Variants in USP33 observed in about 807,000 individuals in gnomAD.
The protein encoded by USP33 is ubiquitin specific peptidase 33, also known as ubiquitin carboxyl-terminal hydrolase 33.
A neutral mutation model predicts 124.2 loss-of-function variants in USP33; 46 were observed. The observed-to-expected ratio is 0.37, with a 90% CI of 0.29 to 0.47. USP33 has a LOEUF of 0.47. Ranked by LOEUF, USP33 falls within the 20% of genes least tolerant of loss-of-function variation. The pLI, the probability that USP33 is intolerant of heterozygous loss-of-function variation, is 0.99. For synonymous variants in USP33, 350 were observed against 352.3 expected, an observed-to-expected ratio of 0.99 and a Z score of 0.07; for missense variants, 851 against 1,070.6, an observed-to-expected ratio of 0.79 and a Z score of 2.86.
intron 1 of USP33, among the ~76,000 whole-genome samples, chr1:77,746,096 G>A (rs976384652): frequency 2.6e-5 from 4 of 152,074 alleles, no homozygotes; most frequent in African/African-American, 4.8e-5. Flanking sequence ...TCCAGGAGCT[G>A]GTTTTTTGAA....
chr1:77,749,289 T>A (rs765446564), intron 1 of USP33, among the ~76,000 whole-genome samples: 5 of 152,236 alleles, frequency 3.3e-5, no homozygotes, highest in African/African-American at 4.8e-5. Context: ...GATTTATTTA[T>A]CTTCTCCACT....
chr1:77,712,174 G>C (rs1459002349), intron 20 of USP33, among the ~76,000 whole-genome samples: 1 of 152,208 alleles, frequency 6.6e-6, no homozygotes. Context: ...CACAGTCATA[G>C]TCAAGTTTTC....
At chr1:77,731,787 T>A (rs1677845172) in intron 7 of USP33, among the ~76,000 whole-genome samples, 1 of 152,096 alleles carries the variant, frequency 6.6e-6, no homozygotes, top group Admixed American at 6.6e-5. Context: ...AAAACAAACA[T>A]ACACGTAAAA....
chr1:77,718,648 G>C lies in USP33; in HGVS notation c.1692-7C>G, dbSNP rs371892590. On this transcript the variant is annotated splice_region_variant and splice_polypyrimidine_tract_variant and intron_variant, in intron 15 of 23. Coordinates refer to ENST00000370794, the MANE Select transcript of USP33 (RefSeq NM_201624.3). ...CTTCACTCCATTTCTCAACCTAAGG[G>C]GAGAAAAGAGAAAATCAATTAGTCT... 39 of 1,596,024 alleles carry C rather than the reference G, an allele frequency of 2.4e-5. No homozygotes were observed. Among genetic ancestry groups the C allele is most frequent in the Non-Finnish European group, 3.3e-5 (38 of 1,168,824 alleles).
intron 22 of USP33, among the ~76,000 whole-genome samples, chr1:77,700,257 C>A (rs1673854448): frequency 6.6e-6 from 1 of 152,048 alleles, no homozygotes; most frequent in Non-Finnish European, 1.5e-5. Context: ...GTGGTGTGCA[C>A]CTATAGTCCC....
intron 1 of USP33, among the ~76,000 whole-genome samples, chr1:77,750,719 C>T (rs112377220): frequency 2.0e-5 from 3 of 152,110 alleles, no homozygotes; most frequent in African/African-American, 7.2e-5. Flanking sequence ...TAAACAAAGG[C>T]TAACAATTTG....
intron 12 of USP33, 34 bp downstream of exon 12, chr1:77,723,297 A>G: frequency 6.8e-7 from 1 of 1,461,452 alleles, no homozygotes; most frequent in Non-Finnish European, 9.5e-7. Context: ...ATTTGACACG[A>G]ATTTTCTGTG....
rs190656380 is a variant in USP33 at position 77,700,215 on chromosome 1, A to T, written c.2509+1154T>A. Among the ~76,000 whole-genome samples, 6 of 152,268 alleles carry T rather than the reference A, an allele frequency of 3.9e-5. No individual in the cohort carries two copies. In the East Asian group the frequency reaches 1.2e-3, roughly 29 times the overall value. ...GCTGGAACTTACAAAATAAAAATAA[A>T]TTTTTTTAAAGGTGTAGAAAAGCCA... On this transcript the variant is annotated intron_variant, in intron 22 of 23. Transcript: ENST00000370794.
chr1:77,703,912 C>G lies in USP33; in HGVS notation c.2407-2441G>C, dbSNP rs1243917652. Among the ~76,000 whole-genome samples the G allele has an allele frequency of 2.6e-5, 4 of 152,188 alleles. No individual in the cohort carries two copies. The South Asian group carries it at 6.2e-4, about 24-fold the overall frequency. On this transcript the variant is annotated intron_variant, in intron 21 of 23. Coordinates refer to ENST00000370794, the MANE Select transcript of USP33 (RefSeq NM_201624.3). ...CATCCCTATAGTCCCAGCTATTCAT[C>G]AGGAGGCTGATGTGGGGGATCTCTT... is the stretch of plus-strand genomic sequence containing the variant.
chr1:77,711,732 G>T lies in USP33; in HGVS notation c.2406+15C>A. 1.3e-6 allele frequency: 2 copies of T among 1,597,858 alleles called. No individual in the cohort carries two copies. The highest frequency in any genetic ancestry group is 8.5e-7 in the Non-Finnish European group (1 of 1,176,296). On this transcript the variant is annotated intron_variant, in intron 21 of 23. Coordinates refer to ENST00000370794, the MANE Select transcript of USP33 (RefSeq NM_201624.3). The stretch of plus-strand genomic sequence containing the variant: ...TCTTTATCCTAGATCAATTTGAAAA[G>T]CATCACTTTTTTACCCGAATAAAAA...
At chr1:77,758,561 C>A (rs1570890809) in intron 1 of USP33, among the ~76,000 whole-genome samples, 4 of 152,196 alleles carry the variant, frequency 2.6e-5, no homozygotes, top group African/African-American at 9.6e-5. Context: ...TTTCATAAAA[C>A]TAGCATTGTC....
At chr1:77,718,085 C>T in intron 16 of USP33, 38 bp from the exon 17 acceptor site, 1 of 1,521,216 alleles carries the variant, frequency 6.6e-7, no homozygotes, top group Non-Finnish European at 8.9e-7. Context: ...TTTGTCAATA[C>T]AGAAAACAAA....
At chr1:77,722,305 AAC>A in intron 12 of USP33, 109 bp from the exon 13 acceptor site, 3 of 1,090,022 alleles carry the variant, frequency 2.8e-6, no homozygotes, top group East Asian at 2.5e-5. Context: ...AAGCAAAAAA[AAC>A]AAAAAACAAA....
chr1:77,752,021 G>A lies in USP33; in HGVS notation c.-52+7622C>T, dbSNP rs149223812. Among the ~76,000 whole-genome samples the A allele has an allele frequency of 5.3e-3, 807 of 152,002 alleles. 6 individuals carry two copies. The highest frequency in any genetic ancestry group is 0.018 in the African/African-American group (758 of 41,476). ...TTACTTTTAAGGGGAGAATATTTTC[G>A]TAGTACAATCTCCAAATTCCAGGTT... On this transcript the variant is annotated intron_variant, in intron 1 of 23. Transcript: ENST00000370794.
chr1:77,723,149 T>C (rs1676764275), intron 12 of USP33, among the ~76,000 whole-genome samples, 182 bp downstream of exon 12: 1 of 152,198 alleles, frequency 6.6e-6, no homozygotes, highest in Non-Finnish European at 1.5e-5. Context: ...TTAAACAGGA[T>C]GCTGCTACTT....
intron 1 of USP33, 51 bp from the exon 2 acceptor site, chr1:77,741,799 T>C: frequency 6.8e-7 from 1 of 1,475,470 alleles, no homozygotes; most frequent in Non-Finnish European, 9.1e-7. Flanking sequence ...TTACAATGCC[T>C]GCAAAGATTC....
chr1:77,728,266 T>C, intron 10 of USP33, 29 bp downstream of exon 10: 1 of 1,534,954 alleles, frequency 6.5e-7, no homozygotes, highest in Non-Finnish European at 8.7e-7. Flanking sequence ...AATACTATCA[T>C]TTTCATGAAC....
intron 8 of USP33, 70 bp downstream of exon 8, chr1:77,730,548 G>T: frequency 8.3e-7 from 1 of 1,197,872 alleles, no homozygotes; most frequent in Non-Finnish European, 1.1e-6. Flanking sequence ...AAATGGACCT[G>T]CAACCTTTAA....
intron 6 of USP33, 40 bp from the exon 7 acceptor site, chr1:77,734,456 T>A: frequency 7.5e-7 from 1 of 1,329,584 alleles, no homozygotes; most frequent in Non-Finnish European, 1.0e-6. Flanking sequence ...CATTCAATAA[T>A]GCAAAATGAC....
Sources: allele counts gnomAD v4.1 joint callset (sites outside exome capture counted in the v4.1 genomes callset), GRCh38; gene constraint gnomAD v4.1.1; transcripts MANE v1.5; gene names NCBI Gene and HGNC (gene_info 2026-07-23, HGNC 2026-07-21).